Variants in BACH2 observed in about 807,000 individuals in gnomAD.
BACH2 encodes the protein transcription regulator protein BACH2.
Under a neutral mutation model 61.8 loss-of-function variants are expected in BACH2, and 5 were observed. The observed-to-expected ratio is 0.08, with a 90% CI of 0.04 to 0.17. The LOEUF (loss-of-function observed/expected upper bound fraction) is 0.17. Ranked by LOEUF, BACH2 falls within the 10% of genes least tolerant of loss-of-function variation. The pLI, the probability that BACH2 is intolerant of heterozygous loss-of-function variation, is 1.00. For synonymous variants in BACH2, 446 were observed against 440.1 expected (o/e 1.01, Z -0.17); for missense variants, 824 against 1,091.1 (o/e 0.76, Z 3.45).
chr6:89,950,224 G>A lies in BACH2; in HGVS notation c.1836+46C>T, dbSNP rs1773994474. Reference sequence around the variant, plus strand: ...GGGGCAGGGAGTAGTCCAGATAAAGGGCCTAGAGAGTGGGTCACATGCTTG... The same window carrying A: ...GGGGCAGGGAGTAGTCCAGATAAAGAGCCTAGAGAGTGGGTCACATGCTTG... On this transcript the variant is annotated intron_variant, in intron 7 of 8. Transcript: ENST00000257749. This position sits in a 1 kb window ranked among gnomAD's most constrained non-coding sequence, Gnocchi z 5.3. 1.2e-5 allele frequency: 20 copies of A among 1,607,436 alleles called. No individual in the cohort carries two copies. The East Asian group carries it at 4.5e-4, about 36-fold the overall frequency.
At chr6:90,128,525 G>A (rs1783959316) in intron 4 of BACH2, among the ~76,000 whole-genome samples, 1 of 152,202 alleles carries the variant, frequency 6.6e-6, no homozygotes, top group Non-Finnish European at 1.5e-5. Flanking sequence ...AGGTTGCAGT[G>A]AGCCAAGATC....
chr6:90,073,815 A>G (rs2127802342), intron 5 of BACH2, among the ~76,000 whole-genome samples: 1 of 152,346 alleles, frequency 6.6e-6, no homozygotes, highest in Middle Eastern at 3.4e-3. Context: ...TTCCCTCTCC[A>G]TGCTCCACCC....
chr6:90,012,129 C>T (rs1172152661), intron 5 of BACH2, among the ~76,000 whole-genome samples: 1 of 152,016 alleles, frequency 6.6e-6, no homozygotes, highest in East Asian at 1.9e-4. Context: ...ATCATAGTGT[C>T]TTGATTTGCT....
chr6:89,983,788 A>T (rs4293974), intron 6 of BACH2, among the ~76,000 whole-genome samples: 23,372 of 152,284 alleles, frequency 0.15, 2,594 homozygotes, highest in African/African-American at 0.29. Context: ...ACTTAGCGGT[A>T]TTGAAACATG....
chr6:90,203,004 A>G (rs1303446810), intron 4 of BACH2, among the ~76,000 whole-genome samples: 1 of 152,160 alleles, frequency 6.6e-6, no homozygotes, highest in Admixed American at 6.5e-5. Flanking sequence ...ACACAGATAA[A>G]CCAGAAATGT....
intron 4 of BACH2, among the ~76,000 whole-genome samples, chr6:90,193,821 T>C (rs1054582973): frequency 6.6e-5 from 10 of 152,320 alleles, no homozygotes; most frequent in African/African-American, 2.4e-4. Context: ...TAAATTATTT[T>C]ACATGAAAAC....
intron 3 of BACH2, among the ~76,000 whole-genome samples, chr6:90,231,570 C>T (rs2021716): frequency 0.24 from 35,789 of 152,146 alleles, 5,218 homozygotes; most frequent in Non-Finnish European, 0.33. Context: ...GTCATGGCAA[C>T]CCCTAGATGT....
At chr6:90,248,086 T>C (rs1346593983) in intron 3 of BACH2, among the ~76,000 whole-genome samples, 2 of 152,200 alleles carry the variant, frequency 1.3e-5, no homozygotes, top group African/African-American at 4.8e-5. Flanking sequence ...CCTCATTGTG[T>C]CTCTTTGCTA....
chr6:90,206,255 T>C (rs894639121), intron 4 of BACH2, among the ~76,000 whole-genome samples: 1 of 152,210 alleles, frequency 6.6e-6, no homozygotes, highest in East Asian at 1.9e-4. Flanking sequence ...AAAAAAGTGA[T>C]ATTTAGTCCC....
At chr6:90,204,749 A>G (rs1769083302) in intron 4 of BACH2, among the ~76,000 whole-genome samples, 1 of 152,156 alleles carries the variant, frequency 6.6e-6, no homozygotes, top group African/African-American at 2.4e-5. Flanking sequence ...AGGAGCCAAA[A>G]AAGGTTTGCA....
intron 7 of BACH2, among the ~76,000 whole-genome samples, chr6:89,947,637 C>G (rs929360996): frequency 2.0e-5 from 3 of 151,862 alleles, no homozygotes; most frequent in African/African-American, 4.8e-5. Context: ...GCGATCTCGG[C>G]TCACTGCAAG....
rs746050176 is a variant in BACH2 at position 90,069,208 on chromosome 6, C to T, written c.-13+19753G>A. ...TCTGCCCCACAGTCCGCTGCTGGGTCTGAGACAAGGACTTGGTTCCTGAAC... is the reference window on the plus strand; with the variant it reads ...TCTGCCCCACAGTCCGCTGCTGGGTTTGAGACAAGGACTTGGTTCCTGAAC... On this transcript the variant is annotated intron_variant, in intron 5 of 8. Transcript: ENST00000257749. Among the ~76,000 whole-genome samples the T allele has an allele frequency of 1.9e-4, 29 of 152,262 alleles. No individual in the cohort carries two copies. In the Middle Eastern group the frequency reaches 0.02, roughly 107 times the overall value.
intron 3 of BACH2, among the ~76,000 whole-genome samples, chr6:90,245,946 C>A (rs951854727): frequency 2.6e-5 from 4 of 152,138 alleles, no homozygotes; most frequent in African/African-American, 9.7e-5. Context: ...GCTGGCAGTG[C>A]CAGAGGAATG....
rs1245273975 is a variant in BACH2 at position 90,075,038 on chromosome 6, C to G, written c.-13+13923G>C. ...TCAATTTAGAACAACTCAAAAGATA[C>G]AGTTTGACAGCATGCTGCATCAAGA... On this transcript the variant is annotated intron_variant, in intron 5 of 8. Coordinates refer to ENST00000257749, the MANE Select transcript of BACH2 (RefSeq NM_021813.4). Among the ~76,000 whole-genome samples, 4 of 152,112 alleles carry G rather than the reference C, an allele frequency of 2.6e-5. 1 individual carries two copies. Among genetic ancestry groups the G allele is most frequent in the Admixed American group, 1.3e-4 (2 of 15,260 alleles).
chr6:89,978,875 A>G (rs1399554040), intron 6 of BACH2, among the ~76,000 whole-genome samples: 1 of 152,150 alleles, frequency 6.6e-6, no homozygotes, highest in Non-Finnish European at 1.5e-5. Flanking sequence ...ATGTACTTAA[A>G]TCCGAATGGC....
chr6:90,258,179 A>G (rs1180785805), intron 2 of BACH2, among the ~76,000 whole-genome samples: 1 of 152,154 alleles, frequency 6.6e-6, no homozygotes, highest in Non-Finnish European at 1.5e-5. Context: ...GTTCCTGTGT[A>G]GGAGTTTTAT....
intron 5 of BACH2, among the ~76,000 whole-genome samples, chr6:90,084,927 TAG>T (rs1781867926): frequency 6.6e-6 from 1 of 151,752 alleles, no homozygotes; most frequent in African/African-American, 2.4e-5. Flanking sequence ...GCCCTAGGGG[TAG>T]AGGGTAAAGG....
At chr6:90,159,737 T>C (rs1390467581) in intron 4 of BACH2, among the ~76,000 whole-genome samples, 3 of 152,216 alleles carry the variant, frequency 2.0e-5, no homozygotes, top group African/African-American at 7.2e-5. Context: ...AAAGTAAATC[T>C]AATTCAATAA....
At chr6:89,984,877 A>C (rs78445122) in intron 6 of BACH2, among the ~76,000 whole-genome samples, 1 of 152,222 alleles carries the variant, frequency 6.6e-6, no homozygotes, top group Admixed American at 6.5e-5. Flanking sequence ...TCTGCAATAC[A>C]TATTAAGATA....
Sources: allele counts gnomAD v4.1 joint callset (sites outside exome capture counted in the v4.1 genomes callset), GRCh38; gene constraint gnomAD v4.1.1; non-coding constraint Gnocchi (gnomAD v3.1); transcripts MANE v1.5; gene names NCBI Gene and HGNC (gene_info 2026-07-23, HGNC 2026-07-21).